The following GRIN2B variants were observed in gnomAD, a reference collection of about 807,000 sequenced individuals.
GRIN2B encodes glutamate receptor ionotropic, NMDA 2B.
Under a neutral mutation model 114.5 loss-of-function variants are expected in GRIN2B, and 5 were observed. The ratio of observed to expected loss-of-function variants is 0.04; its 90% confidence interval spans 0.02 to 0.09. The LOEUF is 0.09. Ranked by LOEUF, GRIN2B falls within the 10% of genes least tolerant of loss-of-function variation. The pLI, the probability that GRIN2B is intolerant of heterozygous loss-of-function variation, is 1.00. For missense variants in GRIN2B, 1,108 were observed against 1,943.5 expected, an observed-to-expected ratio of 0.57 and a Z score of 8.08; for synonymous variants, 787 against 745.1, an observed-to-expected ratio of 1.06 and a Z score of -0.92.
At chr12:13,872,776 T>C (rs918620318) in intron 2 of GRIN2B, among the ~76,000 whole-genome samples, 8 of 152,182 alleles carry the variant, frequency 5.3e-5, no homozygotes, top group African/African-American at 1.7e-4. Flanking sequence ...GTACATCCAA[T>C]AACTGTAATC....
At chr12:13,909,414 G>A (rs572988842) in intron 2 of GRIN2B, among the ~76,000 whole-genome samples, 4 of 152,216 alleles carry the variant, frequency 2.6e-5, no homozygotes, top group African/African-American at 7.2e-5. Context: ...TTAGTACCTC[G>A]GGATAGGGCC....
chr12:13,708,679 C>A (rs1481024949), intron 4 of GRIN2B, among the ~76,000 whole-genome samples: 1 of 151,950 alleles, frequency 6.6e-6, no homozygotes, highest in Non-Finnish European at 1.5e-5. Context: ...ATATCATTTT[C>A]CTATTACATA....
chr12:13,810,645 C>T (rs553662725), intron 3 of GRIN2B, among the ~76,000 whole-genome samples: 3 of 152,288 alleles, frequency 2.0e-5, no homozygotes, highest in East Asian at 1.9e-4. Context: ...AGTGAATGAA[C>T]AATCAGTTTC....
intron 2 of GRIN2B, among the ~76,000 whole-genome samples, chr12:13,871,063 T>G (rs1208042948): frequency 6.6e-6 from 1 of 152,146 alleles, no homozygotes; most frequent in Non-Finnish European, 1.5e-5. Context: ...ATATAGACTT[T>G]TCATGTATAA....
chr12:13,615,733 C>T lies in GRIN2B; in HGVS notation c.1329-69G>A. ...TGTACAAAAAGCCAACATTTATTAC[C>T]CTTTGCCATTAAAAAACCTCCAATC... On this transcript the variant is annotated intron_variant, in intron 6 of 13. Transcript: ENST00000609686. The surrounding 1 kb of genome is among the most constrained non-coding windows in gnomAD (Gnocchi z 5.8). 3.6e-6 allele frequency: 5 copies of T among 1,370,984 alleles called. No homozygotes were observed. Among genetic ancestry groups the T allele is most frequent in the Admixed American group, 3.4e-5 (2 of 59,548 alleles). 84.9% of individuals were successfully genotyped at this position (1,370,984 alleles called of 1,614,324 possible). A position where few individuals can be genotyped will look rare whatever the true frequency, so the allele number is the denominator to read the frequency against.
intron 3 of GRIN2B, among the ~76,000 whole-genome samples, chr12:13,854,336 C>G (rs539343728): frequency 6.6e-6 from 1 of 151,976 alleles, no homozygotes; most frequent in Non-Finnish European, 1.5e-5. Flanking sequence ...ATGGTGAAAC[C>G]CTGTCTCTAT....
At chr12:13,879,293 TA>T (rs1455956416) in intron 2 of GRIN2B, among the ~76,000 whole-genome samples, 1 of 152,162 alleles carries the variant, frequency 6.6e-6, no homozygotes, top group African/African-American at 2.4e-5. Flanking sequence ...CTGTACTGGA[TA>T]CTGTAGGCAG....
At chr12:13,773,726 C>G (rs1249659437) in intron 3 of GRIN2B, among the ~76,000 whole-genome samples, 1 of 152,176 alleles carries the variant, frequency 6.6e-6, no homozygotes, top group East Asian at 1.9e-4. Flanking sequence ...TGATACAGTT[C>G]AGACTGAGAC....
intron 3 of GRIN2B, among the ~76,000 whole-genome samples, chr12:13,777,804 C>T (rs1591725076): frequency 1.3e-5 from 2 of 152,354 alleles, no homozygotes; most frequent in African/African-American, 4.8e-5. Flanking sequence ...GCTCCTCCCT[C>T]TTCTTGGGCA....
At chr12:13,807,928 A>G (rs1864640213) in intron 3 of GRIN2B, among the ~76,000 whole-genome samples, 1 of 152,056 alleles carries the variant, frequency 6.6e-6, no homozygotes, top group Admixed American at 6.5e-5. Flanking sequence ...GTAGAAAGAT[A>G]ATCCATAATC....
intron 2 of GRIN2B, among the ~76,000 whole-genome samples, chr12:13,968,458 T>C (rs1867825380): frequency 6.6e-6 from 1 of 152,168 alleles, no homozygotes; most frequent in South Asian, 2.1e-4. Flanking sequence ...CAAGGTTGTA[T>C]AGTTTGCCTG....
At chr12:13,756,955 A>T (rs975125772) in intron 3 of GRIN2B, among the ~76,000 whole-genome samples, 1 of 152,206 alleles carries the variant, frequency 6.6e-6, no homozygotes, top group Non-Finnish European at 1.5e-5. Context: ...CTACTGTGTG[A>T]AGGAAGCCAA....
At position 13,547,981 on chromosome 12, in the gene GRIN2B, A is replaced by ATATATATATATATATATAT; in HGVS notation, c.*14801_*14802insATATATATATATATATATA. 1.5e-5 allele frequency: 1 copy of ATATATATATATATATATAT among 68,576 alleles called. No individual in the cohort carries two copies. The highest frequency in any genetic ancestry group is 4.6e-5 in the African/African-American group (1 of 21,748). 4.2% of individuals were successfully genotyped at this position (68,576 alleles called of 1,614,324 possible). On this transcript the variant is annotated 3_prime_UTR_variant, in exon 14 of 14. Coordinates refer to ENST00000609686, the MANE Select transcript of GRIN2B (RefSeq NM_000834.5). ...TGTGTATATATATATATATATATAT[A>ATATATATATATATATATAT]TTTTTTTTTTTTTTCTGAAAGCTAC...
chr12:13,963,958 A>C (rs1867744549), intron 2 of GRIN2B, among the ~76,000 whole-genome samples: 1 of 152,112 alleles, frequency 6.6e-6, no homozygotes, highest in East Asian at 1.9e-4. Flanking sequence ...CAACTTTGAG[A>C]GGGGAGGAGA....
Position 13,611,708 on chromosome 12 carries a change from G to T in GRIN2B, c.1780+17C>A, listed in dbSNP as rs1949367198. 3.1e-6 allele frequency: 5 copies of T among 1,613,020 alleles called. No individual in the cohort carries two copies. Among genetic ancestry groups the T allele is most frequent in the South Asian group, 1.1e-5 (1 of 91,044 alleles). On this transcript the variant is annotated intron_variant, in intron 9 of 13. Coordinates refer to ENST00000609686, the MANE Select transcript of GRIN2B (RefSeq NM_000834.5). The stretch of plus-strand genomic sequence containing the variant: ...AGAAAAAAACTGGGGAAGTGCAGCG[G>T]TTCCAGCCGGCCTTACCTCTGCCAT...
intron 2 of GRIN2B, among the ~76,000 whole-genome samples, chr12:13,921,056 A>G (rs539759275): frequency 9.8e-5 from 15 of 152,306 alleles, no homozygotes; most frequent in African/African-American, 3.4e-4. Flanking sequence ...ATTTATTTTT[A>G]TATTGAAATA....
chr12:13,962,629 A>C (rs547027284), intron 2 of GRIN2B, among the ~76,000 whole-genome samples: 25 of 152,204 alleles, frequency 1.6e-4, no homozygotes, highest in Non-Finnish European at 3.2e-4. Flanking sequence ...AGTGAGACAA[A>C]GAGATGTACA....
At chr12:13,728,702 A>G (rs1306250908) in intron 4 of GRIN2B, among the ~76,000 whole-genome samples, 1 of 152,202 alleles carries the variant, frequency 6.6e-6, no homozygotes, top group African/African-American at 2.4e-5. Flanking sequence ...CTGTACACAC[A>G]GCCAATGCTC....
At chr12:13,607,338 TA>T (rs1949279455) in intron 10 of GRIN2B, among the ~76,000 whole-genome samples, 4 of 52,878 alleles carry the variant, frequency 7.6e-5, no homozygotes, top group African/African-American at 2.4e-4. Context: ...ATATATATTA[TA>T]TATAATATAT....
Sources: gnomAD v4.1 joint callset for allele counts (sites outside exome capture counted in the v4.1 genomes callset) on GRCh38, gnomAD v4.1.1 for gene constraint, Gnocchi (gnomAD v3.1) non-coding constraint, MANE v1.5 for transcripts, NCBI Gene and HGNC (gene_info 2026-07-23, HGNC 2026-07-21) for gene names.